The following PNPLA7 variants were observed in gnomAD, a reference collection of about 807,000 sequenced individuals.
PNPLA7 encodes the protein patatin like domain 7, lysophospholipase.
PNPLA7 carries 153 observed loss-of-function variants against 161.7 expected under a neutral mutation model. The ratio of observed to expected loss-of-function variants is 0.95; its 90% CI spans 0.83 to 1.08. PNPLA7 has a LOEUF of 1.08. Among genes scored for constraint, PNPLA7 ranks in the 50% least tolerant of loss-of-function variants. PNPLA7 has a pLI of 0.00. For synonymous variants in PNPLA7, 809 were observed against 782.1 expected, an observed-to-expected ratio of 1.03 and a Z score of -0.57; for missense variants, 1,739 against 1,856.6, an observed-to-expected ratio of 0.94 and a Z score of 1.16.
chr9:137,479,358 G>A, intron 23 of PNPLA7, 120 bp from the exon 24 acceptor site: 1 of 1,359,058 alleles, frequency 7.4e-7, no homozygotes, highest in Non-Finnish European at 9.5e-7. Flanking sequence ...CCTGGGTTCT[G>A]CAAAGCAACT....
At position 137,516,406 on chromosome 9, in the gene PNPLA7, C is replaced by T. The variant is rs1044002194; in HGVS notation, c.1085-887G>A. The T allele has an allele frequency of 3.6e-5, 35 of 985,174 alleles. No homozygotes were observed. The East Asian group carries it at 6.9e-4, about 19-fold the overall frequency. The allele number at this position is 985,174 out of a possible 1,614,324, so 61.0% of individuals were successfully genotyped here. A position where few individuals can be genotyped will look rare whatever the true frequency, so the allele number is the denominator to read the frequency against. On this transcript the variant is annotated intron_variant, in intron 11 of 34. Coordinates refer to ENST00000406427, the MANE Select transcript of PNPLA7 (RefSeq NM_001098537.3). ...ACCTACAGAGGCCCATGAGCACCCC[C>T]GGCCCTGGTCTCTGCCAAGACCTCA...
At chr9:137,522,445 C>T (rs933756128) in intron 9 of PNPLA7, among the ~76,000 whole-genome samples, 1 of 152,228 alleles carries the variant, frequency 6.6e-6, no homozygotes, top group Non-Finnish European at 1.5e-5. Context: ...CCGCCTCGGC[C>T]TCCCACAGTG....
Position 137,468,056 on chromosome 9 carries a change from A to G in PNPLA7, c.2883-583T>C, listed in dbSNP as rs1254485596. On this transcript the variant is annotated intron_variant, in intron 25 of 34. Transcript: ENST00000406427. The surrounding 1 kb of genome is among the most constrained non-coding windows in gnomAD (Gnocchi z 4.0). The stretch of plus-strand genomic sequence containing the variant: ...ACGGCTGCCTCCAGCAGGGCGTCTG[A>G]GAGGTGGTGGGAAAACTGGACTTGA... Among the ~76,000 whole-genome samples the G allele has an allele frequency of 6.6e-6, 1 of 151,912 alleles. No individual in the cohort carries two copies. Among genetic ancestry groups the G allele is most frequent in the African/African-American group, 2.4e-5 (1 of 41,354 alleles).
chr9:137,522,822 G>A lies in PNPLA7; in HGVS notation c.783C>T (p.Arg261=), dbSNP rs141016865. 5.8e-5 allele frequency: 94 copies of A among 1,613,700 alleles called. No homozygotes were observed. The highest frequency in any genetic ancestry group is 3.7e-4 in the African/African-American group (28 of 75,046). ...GGAGGATGGTGGACGGGATGGCCGC[G>A]CGGACGGAGACCGTTTTGTAAGGTG... ...HAAPYKTVSV[R]AAIPSTILRL... is the part of the protein sequence containing the mutation. The change falls in exon 9 of 35, where the codon CGC becomes CGT. Residue 261 remains arginine (R), a synonymous_variant. Coordinates refer to ENST00000406427, the MANE Select transcript of PNPLA7 (RefSeq NM_001098537.3).
At chr9:137,485,668 C>T (rs980752993) in intron 20 of PNPLA7, among the ~76,000 whole-genome samples, 4 of 152,248 alleles carry the variant, frequency 2.6e-5, no homozygotes, top group South Asian at 2.1e-4. Flanking sequence ...GGAAGCACAG[C>T]GCAGCCCTGG....
rs965579131 is a variant in PNPLA7 at position 137,467,587 on chromosome 9, G to T, written c.2883-114C>A. The T allele has an allele frequency of 7.4e-7, 1 of 1,344,490 alleles. No individual in the cohort carries two copies. Among genetic ancestry groups the T allele is most frequent in the African/African-American group, 1.5e-5 (1 of 68,486 alleles). The allele number at this position is 1,344,490 out of a possible 1,614,324, so 83.3% of individuals were successfully genotyped here. Reference sequence around the variant, plus strand: ...CTCCTCCACAGGCAGAGACGCTGACGCAGAGAGGGACTCCAGATGCAGTTT... The same window carrying T: ...CTCCTCCACAGGCAGAGACGCTGACTCAGAGAGGGACTCCAGATGCAGTTT... On this transcript the variant is annotated intron_variant, in intron 25 of 34. Transcript: ENST00000406427. This position sits in a 1 kb window ranked among gnomAD's most constrained non-coding sequence, Gnocchi z 5.1.
In PNPLA7 at chr9:137,461,890, C is replaced by A. The variant is rs373722532; in HGVS notation, c.3756+41G>T. On this transcript the variant is annotated intron_variant, in intron 32 of 34. Coordinates refer to ENST00000406427, the MANE Select transcript of PNPLA7 (RefSeq NM_001098537.3). Reference sequence around the variant, plus strand: ...TGGGCGTGGCCCGAAGAACTGGGCGCGGTCCGGGGAGCTGGGCGTGGTCCG... The same window carrying A: ...TGGGCGTGGCCCGAAGAACTGGGCGAGGTCCGGGGAGCTGGGCGTGGTCCG... 1.0e-5 allele frequency: 15 copies of A among 1,456,154 alleles called. No individual in the cohort carries two copies. In the South Asian group the frequency reaches 1.2e-4, roughly 11 times the overall value. The allele number at this position is 1,456,154 out of a possible 1,614,324, so 90.2% of individuals were successfully genotyped here.
chr9:137,547,804 C>A lies in PNPLA7; in HGVS notation c.31-145G>T, dbSNP rs1836622672. On this transcript the variant is annotated intron_variant, in intron 1 of 34. Coordinates refer to ENST00000406427, the MANE Select transcript of PNPLA7 (RefSeq NM_001098537.3). This position sits in a 1 kb window ranked among gnomAD's most constrained non-coding sequence, Gnocchi z 4.6. ...GGAAGAAGTGATCTCGCCCGGGGTG[C>A]CGGGGTCCTCTGAGCCCCCTGCTAG... 4 of 761,550 alleles carry A rather than the reference C, an allele frequency of 5.3e-6. 1 individual carries two copies. The East Asian group carries it at 1.0e-4, about 20-fold the overall frequency. 47.2% of individuals were successfully genotyped at this position (761,550 alleles called of 1,614,324 possible).
intron 1 of PNPLA7, among the ~76,000 whole-genome samples, chr9:137,548,754 AAG>A (rs1381781267): frequency 2.6e-5 from 4 of 152,198 alleles, no homozygotes; most frequent in Non-Finnish European, 5.9e-5. Context: ...TCTCAAAAAA[AAG>A]AAAACTCAGG....
chr9:137,519,466 G>A (rs180895437), intron 11 of PNPLA7, among the ~76,000 whole-genome samples: 56 of 152,380 alleles, frequency 3.7e-4, no homozygotes, highest in African/African-American at 1.3e-3. Context: ...GGGCCTGTCT[G>A]AGGACATCCG....
rs143820780 is a variant in PNPLA7, at chr9:137,546,456, G to A, written c.273+374C>T. Reference sequence around the variant, plus strand: ...TGTGTCTTTATTTCTACACTCTCTCGTCTCCGCACAGGGGGAGAAACCCAC... The same window carrying A: ...TGTGTCTTTATTTCTACACTCTCTCATCTCCGCACAGGGGGAGAAACCCAC... On this transcript the variant is annotated intron_variant, in intron 4 of 34. Transcript: ENST00000406427. Among the ~76,000 whole-genome samples, 15 of 152,010 alleles carry A rather than the reference G, an allele frequency of 9.9e-5. 1 individual carries two copies. Among genetic ancestry groups the A allele is most frequent in the African/African-American group, 2.4e-4 (10 of 41,420 alleles).
intron 4 of PNPLA7, 105 bp downstream of exon 4, chr9:137,546,725 A>G (rs2254149): frequency 0.48 from 497,669 of 1,028,262 alleles, 125,909 homozygotes; most frequent in African/African-American, 0.7. Context: ...GACAGCACAC[A>G]CCAAGCACTG....
chr9:137,546,823 C>T lies in PNPLA7; in HGVS notation c.273+7G>A, dbSNP rs921709174. The T allele has an allele frequency of 3.1e-6, 5 of 1,613,726 alleles. No individual in the cohort carries two copies. The South Asian group carries it at 4.4e-5, about 14-fold the overall frequency. ...GTGTGCAGCCTGGGGCCCCGAGCAA[C>T]AGCTACCTTCCTCATGATCTTCCGG... is the stretch of plus-strand genomic sequence containing the variant. On this transcript the variant is annotated splice_region_variant and intron_variant, in intron 4 of 34. Transcript: ENST00000406427.
chr9:137,529,319 A>G (rs778803038), intron 8 of PNPLA7, among the ~76,000 whole-genome samples: 1 of 152,042 alleles, frequency 6.6e-6, no homozygotes, highest in Non-Finnish European at 1.5e-5. Flanking sequence ...CCATCTAAGT[A>G]TTGATATTTA....
At position 137,498,256 on chromosome 9, in the gene PNPLA7, G is replaced by A. The variant is rs767191294; in HGVS notation, c.1758-11C>T. On this transcript the variant is annotated splice_polypyrimidine_tract_variant and intron_variant, in intron 16 of 34. Transcript: ENST00000406427. ...TGCTTCCGCATGATTCTGCCGGGCAGCCCAGAGTCAATCCTGCCCCATCCC... is the reference window on the plus strand; with the variant it reads ...TGCTTCCGCATGATTCTGCCGGGCAACCCAGAGTCAATCCTGCCCCATCCC... The A allele has an allele frequency of 6.2e-7, 1 of 1,608,922 alleles. No homozygotes were observed. Among genetic ancestry groups the A allele is most frequent in the Non-Finnish European group, 8.5e-7 (1 of 1,179,882 alleles).
intron 12 of PNPLA7, among the ~76,000 whole-genome samples, chr9:137,507,575 A>G (rs967110137): frequency 6.6e-6 from 1 of 152,214 alleles, no homozygotes; most frequent in African/African-American, 2.4e-5. Context: ...AGGCTGAGGC[A>G]GGAGAATCCC....
At chr9:137,538,514 G>C (rs192488050) in intron 8 of PNPLA7, among the ~76,000 whole-genome samples, 216 of 152,310 alleles carry the variant, frequency 1.4e-3, no homozygotes, top group African/African-American at 5.2e-3. Flanking sequence ...GAATGCATCC[G>C]AGCCAGGGTT....
intron 1 of PNPLA7, among the ~76,000 whole-genome samples, chr9:137,549,256 G>A (rs1376545333): frequency 3.3e-5 from 5 of 152,192 alleles, no homozygotes; most frequent in Non-Finnish European, 5.9e-5. Context: ...GCCGAGGCGG[G>A]CAGATCATGA....
chr9:137,486,895 C>T lies in PNPLA7; in HGVS notation c.2198-2159G>A, dbSNP rs2132184248. ...GTCCCTGAGAGCTGCTGGTGACCCC[C>T]ACACCACACAGCTCTCTTCCTGGCC... On this transcript the variant is annotated intron_variant, in intron 20 of 34. Transcript: ENST00000406427. The surrounding 1 kb of genome is among the most constrained non-coding windows in gnomAD (Gnocchi z 6.0). 1.3e-5 allele frequency among the ~76,000 whole-genome samples: 2 copies of T among 152,230 alleles called. No homozygotes were observed. Among genetic ancestry groups the T allele is most frequent in the South Asian group, 4.1e-4 (2 of 4,824 alleles).
Sources: gnomAD v4.1 joint callset for allele counts (sites outside exome capture counted in the v4.1 genomes callset) on GRCh38, gnomAD v4.1.1 for gene constraint, Gnocchi (gnomAD v3.1) non-coding constraint, MANE v1.5 for transcripts, NCBI Gene and HGNC (gene_info 2026-07-23, HGNC 2026-07-21) for gene names.